The following RALGPS1 variants were observed in gnomAD, a reference collection of about 807,000 sequenced individuals.
RALGPS1 encodes Ral GEF with PH domain and SH3 binding motif 1, also known as ras-specific guanine nucleotide-releasing factor RalGPS1.
RALGPS1 carries 19 observed loss-of-function variants against 78.8 expected under a neutral mutation model. The observed-to-expected ratio is 0.24, with a 90% CI of 0.17 to 0.35. The LOEUF is 0.35. Among genes scored for constraint, RALGPS1 ranks in the 10% least tolerant of loss-of-function variants. RALGPS1 has a pLI of 1.00. For missense variants in RALGPS1, 454 were observed against 688.3 expected (o/e 0.66, Z 3.81); for synonymous variants, 228 against 256.3 (o/e 0.89, Z 1.06).
At chr9:126,977,086 A>G (rs995022019) in intron 3 of RALGPS1, among the ~76,000 whole-genome samples, 1 of 152,208 alleles carries the variant, frequency 6.6e-6, no homozygotes, top group Non-Finnish European at 1.5e-5. Context: ...AAAAATTGCT[A>G]TGCAAGTTCC....
intron 1 of RALGPS1, among the ~76,000 whole-genome samples, chr9:126,938,374 G>A (rs1210714190): frequency 6.6e-6 from 1 of 152,210 alleles, no homozygotes; most frequent in East Asian, 1.9e-4. Context: ...AGTTTTAGGT[G>A]GTGTAGTAGC....
chr9:126,931,438 A>G (rs2035779987), intron 1 of RALGPS1, among the ~76,000 whole-genome samples: 1 of 152,270 alleles, frequency 6.6e-6, no homozygotes, highest in Non-Finnish European at 1.5e-5. Context: ...TTATTCAGCC[A>G]TAAAAAAGAA....
chr9:127,188,348 G>A (rs980043228), intron 11 of RALGPS1, among the ~76,000 whole-genome samples: 2 of 152,132 alleles, frequency 1.3e-5, no homozygotes, highest in African/African-American at 2.4e-5. Context: ...AACCCCTTGC[G>A]GGGAAAATGC....
intron 11 of RALGPS1, among the ~76,000 whole-genome samples, chr9:127,189,462 C>T (rs2060900260): frequency 6.6e-6 from 1 of 152,194 alleles, no homozygotes; most frequent in Admixed American, 6.5e-5. Flanking sequence ...TAGACTTGAA[C>T]CTAACCCCGT....
intron 7 of RALGPS1, among the ~76,000 whole-genome samples, chr9:127,055,208 A>ATCTGTCTGTCTGTCTGTCTGTCTGTCTG (rs1554809728): frequency 5.4e-5 from 5 of 91,974 alleles, no homozygotes; most frequent in African/African-American, 2.2e-4. Flanking sequence ...TTTTCTATCT[A>ATCTGTCTGTCTGTCTGTCTGTCTGTCTG]TCTATCTGTC....
At chr9:127,127,945 A>G (rs1183936667) in intron 8 of RALGPS1, among the ~76,000 whole-genome samples, 1 of 152,150 alleles carries the variant, frequency 6.6e-6, no homozygotes, top group Non-Finnish European at 1.5e-5. Flanking sequence ...TTACATAGGT[A>G]TACATGTGCT....
intron 1 of RALGPS1, among the ~76,000 whole-genome samples, chr9:126,921,096 T>C (rs2034703421): frequency 6.6e-6 from 1 of 152,258 alleles, no homozygotes; most frequent in Non-Finnish European, 1.5e-5. Context: ...TACAGAGTGC[T>C]CACTATTGTA....
At chr9:126,995,227 C>T (rs2042627405) in intron 4 of RALGPS1, among the ~76,000 whole-genome samples, 1 of 152,256 alleles carries the variant, frequency 6.6e-6, no homozygotes, top group African/African-American at 2.4e-5. Context: ...TTAAAAGACA[C>T]AGACTGGCAA....
chr9:127,089,860 A>G (rs377127233), intron 8 of RALGPS1, among the ~76,000 whole-genome samples: 1 of 152,192 alleles, frequency 6.6e-6, no homozygotes, highest in Non-Finnish European at 1.5e-5. Flanking sequence ...GGGGGCCACT[A>G]TCTGCCAGCA....
chr9:127,180,819 G>T (rs924559773), intron 11 of RALGPS1, among the ~76,000 whole-genome samples: 1 of 152,232 alleles, frequency 6.6e-6, no homozygotes, highest in African/African-American at 2.4e-5. Context: ...ACAGGGCTCC[G>T]GCTGGAGCTG....
intron 8 of RALGPS1, among the ~76,000 whole-genome samples, chr9:127,135,418 A>C (rs1423247859): frequency 6.6e-6 from 1 of 152,212 alleles, no homozygotes; most frequent in Non-Finnish European, 1.5e-5. Flanking sequence ...ATGGCTAGCC[A>C]GGTGGCTGCT....
intron 8 of RALGPS1, chr9:127,108,162 G>A: frequency 6.2e-7 from 1 of 1,614,082 alleles, no homozygotes; most frequent in Non-Finnish European, 8.5e-7. Flanking sequence ...ATTGGTTGTG[G>A]GCCAGTGTGG....
chr9:127,200,185 G>A (rs2061560817), intron 14 of RALGPS1, among the ~76,000 whole-genome samples: 1 of 152,206 alleles, frequency 6.6e-6, no homozygotes, highest in South Asian at 2.1e-4. Flanking sequence ...CTCTGGCGCT[G>A]AAGCTTCTCT....
At chr9:127,045,385 G>A (rs1486926637) in intron 5 of RALGPS1, among the ~76,000 whole-genome samples, 1 of 152,182 alleles carries the variant, frequency 6.6e-6, no homozygotes, top group Non-Finnish European at 1.5e-5. Context: ...TAAGGCTAAA[G>A]ACAAAGGAAC....
chr9:126,917,553 C>G lies in RALGPS1; in HGVS notation c.-66+2578C>G, dbSNP rs150308019. On this transcript the variant is annotated intron_variant, in intron 1 of 18. Coordinates refer to ENST00000259351, the MANE Select transcript of RALGPS1 (RefSeq NM_014636.3). ...GGCTGCCACCTCCTGCTGAGTGAAC[C>G]AGCACTACTTCCTTAGCTTCACAGA... is the stretch of plus-strand genomic sequence containing the variant. 5.1e-3 allele frequency among the ~76,000 whole-genome samples: 779 copies of G among 152,276 alleles called. 6 individuals are homozygous for G. Among genetic ancestry groups the G allele is most frequent in the Non-Finnish European group, 9.1e-3 (617 of 68,018 alleles).
intron 8 of RALGPS1, among the ~76,000 whole-genome samples, chr9:127,095,534 A>G (rs1034965458): frequency 6.6e-6 from 1 of 152,262 alleles, no homozygotes; most frequent in African/African-American, 2.4e-5. Context: ...CAGCCTCTGC[A>G]GATGCGGTGC....
At chr9:127,180,403 C>T (rs2060140534) in intron 11 of RALGPS1, among the ~76,000 whole-genome samples, 1 of 152,248 alleles carries the variant, frequency 6.6e-6, no homozygotes, top group African/African-American at 2.4e-5. Context: ...GTTGTATTGC[C>T]TGGTGGTAGA....
At position 127,091,784 on chromosome 9, in the gene RALGPS1, T is replaced by A; in HGVS notation, c.610+22428T>A. On this transcript the variant is annotated intron_variant, in intron 8 of 18. Transcript: ENST00000259351. This position sits in a 1 kb window ranked among gnomAD's most constrained non-coding sequence, Gnocchi z 4.3. ...CCCAGCCGCAGCTTATAATACTCGC[T>A]CTCAGGTTCCAGGCGGAAACTGGCG... 6.2e-7 allele frequency: 1 copy of A among 1,614,162 alleles called. No individual in the cohort carries two copies. The highest frequency in any genetic ancestry group is 8.5e-7 in the Non-Finnish European group (1 of 1,180,026).
chr9:126,936,849 CTTT>C (rs35671235), intron 1 of RALGPS1, among the ~76,000 whole-genome samples: 40 of 142,514 alleles, frequency 2.8e-4, no homozygotes, highest in Non-Finnish European at 2.9e-4. Flanking sequence ...GGAACGGCAC[CTTT>C]TTTTTTTTTT....
Sources: allele counts gnomAD v4.1 joint callset (sites outside exome capture counted in the v4.1 genomes callset), GRCh38; gene constraint gnomAD v4.1.1; non-coding constraint Gnocchi (gnomAD v3.1); transcripts MANE v1.5; gene names NCBI Gene and HGNC (gene_info 2026-07-23, HGNC 2026-07-21).